Variants in PCLO observed in about 807,000 individuals in gnomAD.
The protein encoded by PCLO is piccolo presynaptic cytomatrix protein, also known as protein piccolo.
Under a neutral mutation model 427.5 loss-of-function variants are expected in PCLO, and 82 were observed. The observed-to-expected ratio is 0.19, with a 90% CI of 0.16 to 0.23. The LOEUF (loss-of-function observed/expected upper bound fraction) is 0.23, where lower values mean the gene tolerates loss of function less well. PCLO is among the 10% of genes least tolerant of loss of function. The pLI is 1.00. For missense variants in PCLO, 6,239 were observed against 6,115.9 expected (o/e 1.02, Z -0.67); for synonymous variants, 2,357 against 2,155.4 (o/e 1.09, Z -2.59).
At chr7:82,865,237 C>T (rs1344348301) in intron 10 of PCLO, among the ~76,000 whole-genome samples, 1 of 152,148 alleles carries the variant, frequency 6.6e-6, no homozygotes, top group Non-Finnish European at 1.5e-5. Context: ...CCTGGAGTCC[C>T]AGCACTTTGG....
At position 83,038,047 on chromosome 7, in the gene PCLO, A is replaced by C. The variant is rs1202044598; in HGVS notation, c.3301-71560T>G. On this transcript the variant is annotated intron_variant, in intron 3 of 24. Coordinates refer to ENST00000333891, the MANE Select transcript of PCLO (RefSeq NM_033026.6). ...TATATATATTTATATATTTATATAT[A>C]TATCTTTATATATATATTTATATAT... Among the ~76,000 whole-genome samples, 14 of 43,136 alleles carry C rather than the reference A, an allele frequency of 3.2e-4. 1 individual carries two copies. Among genetic ancestry groups the C allele is most frequent in the African/African-American group, 2.2e-3 (12 of 5,356 alleles). The allele number at this position is 43,136 out of a possible 152,430, so 28.3% of individuals were successfully genotyped here. A position where few individuals can be genotyped will look rare whatever the true frequency, so the allele number is the denominator to read the frequency against.
In PCLO at chr7:82,914,810, A is replaced by G; in HGVS notation, c.13176T>C (p.Phe4392=). 3 of 1,613,466 alleles carry G rather than the reference A, an allele frequency of 1.9e-6. No homozygotes were observed. Among genetic ancestry groups the G allele is most frequent in the Non-Finnish European group, 2.5e-6 (3 of 1,179,686 alleles). Residue 4392 remains phenylalanine, a synonymous_variant, in exon 7 of 25, where the codon TTT becomes TTC. Transcript: ENST00000333891. ...PPISADTRDQ[F]GSSHSLPEVQ... ...CTTCAGGCAATGAGTGGCTTGATCC[A>G]AACTGATCCCTGGTGTCTGCAGATA...
At chr7:83,150,425 C>T in intron 2 of PCLO, among the ~76,000 whole-genome samples, 1 of 152,216 alleles carries the variant, frequency 6.6e-6, no homozygotes, top group East Asian at 1.9e-4. Flanking sequence ...CAGCATACAT[C>T]TTGATAGCCT....
At chr7:82,973,055 A>G (rs1470231634) in intron 3 of PCLO, among the ~76,000 whole-genome samples, 8 of 151,964 alleles carry the variant, frequency 5.3e-5, no homozygotes, top group African/African-American at 1.9e-4. Context: ...CCTTTATGAC[A>G]TCTACAAAAG....
intron 2 of PCLO, among the ~76,000 whole-genome samples, chr7:83,147,778 T>C (rs1456804401): frequency 1.3e-5 from 2 of 152,136 alleles, no homozygotes; most frequent in East Asian, 3.8e-4. Context: ...AATAAAAAAA[T>C]AGTGCATAAA....
At chr7:83,069,677 G>A (rs1789757097) in intron 3 of PCLO, among the ~76,000 whole-genome samples, 1 of 151,908 alleles carries the variant, frequency 6.6e-6, no homozygotes, top group Admixed American at 6.6e-5. Flanking sequence ...CTAGGACATA[G>A]TAAGTTTTTA....
intron 7 of PCLO, among the ~76,000 whole-genome samples, chr7:82,912,034 T>C (rs1296811764): frequency 6.6e-6 from 1 of 152,188 alleles, no homozygotes; most frequent in African/African-American, 2.4e-5. Context: ...TCTTTTAGAA[T>C]ATATCTAATG....
intron 10 of PCLO, among the ~76,000 whole-genome samples, chr7:82,859,728 A>C (rs1792906024): frequency 6.6e-6 from 1 of 152,208 alleles, no homozygotes; most frequent in African/African-American, 2.4e-5. Flanking sequence ...TGAACTAAAT[A>C]AGGCACCAAG....
At chr7:83,072,233 T>C (rs943743543) in intron 3 of PCLO, among the ~76,000 whole-genome samples, 2 of 152,072 alleles carry the variant, frequency 1.3e-5, no homozygotes, top group African/African-American at 4.8e-5. Context: ...TGTATGCATG[T>C]ATGAGAATTT....
intron 3 of PCLO, among the ~76,000 whole-genome samples, chr7:83,117,555 G>A (rs533607656): frequency 1.3e-5 from 2 of 152,190 alleles, no homozygotes; most frequent in South Asian, 4.2e-4. Context: ...TCTCTCTCTG[G>A]GACAAAATCG....
chr7:83,097,209 T>C (rs1326352706), intron 3 of PCLO, among the ~76,000 whole-genome samples: 1 of 129,952 alleles, frequency 7.7e-6, no homozygotes, highest in Admixed American at 1.0e-4. Flanking sequence ...ATATAAATTA[T>C]ATAAATCTTT....
intron 3 of PCLO, among the ~76,000 whole-genome samples, chr7:82,993,607 G>A (rs533685690): frequency 1.1e-4 from 17 of 151,244 alleles, no homozygotes; most frequent in African/African-American, 4.2e-4. Flanking sequence ...ATTAAGGCAT[G>A]TATATTTTTT....
intron 6 of PCLO, among the ~76,000 whole-genome samples, chr7:82,934,123 C>A (rs1225727711): frequency 1.3e-4 from 19 of 151,724 alleles, no homozygotes; most frequent in African/African-American, 4.6e-4. Flanking sequence ...TTTTTATGGG[C>A]AAAATTATTT....
intron 22 of PCLO, among the ~76,000 whole-genome samples, chr7:82,764,605 T>C (rs1019754034): frequency 6.6e-6 from 1 of 151,940 alleles, no homozygotes; most frequent in African/African-American, 2.4e-5. Context: ...TATTGGCAAG[T>C]ATGTCAGGCA....
rs1467056987 is a variant in PCLO at position 83,162,377 on chromosome 7, G to A, written c.216C>T (p.Pro72=). The A allele has an allele frequency of 1.2e-6, 2 of 1,600,624 alleles. No homozygotes were observed. Among genetic ancestry groups the A allele is most frequent in the South Asian group, 1.1e-5 (1 of 88,800 alleles). ...TGGAAGGCGACTCCGCAGCGGCCGG[G>A]GGGACGCTTCCCTTGGGCAGCCCCT... is the stretch of plus-strand genomic sequence containing the variant. The part of the protein sequence containing the change: ...RAQGLPKGSV[P]PAAAESPSMH... Residue 72 remains proline (P), a synonymous_variant, in exon 1 of 25, where the codon CCC becomes CCT. Coordinates refer to ENST00000333891, the MANE Select transcript of PCLO (RefSeq NM_033026.6).
Position 83,134,442 on chromosome 7 carries a change from T to G in PCLO, c.3108A>C (p.Leu1036Phe). 1 of 1,613,896 alleles carries G rather than the reference T, an allele frequency of 6.2e-7. No individual in the cohort carries two copies. Among genetic ancestry groups the G allele is most frequent in the Non-Finnish European group, 8.5e-7 (1 of 1,179,858 alleles). The change falls in exon 3 of 25, where the codon TTA becomes TTC. Residue 1036 changes from leucine to phenylalanine, a missense_variant. Leu to Phe is a conservative substitution (Grantham distance 22, BLOSUM62 0). Transcript: ENST00000333891. ...KPPPIKDSKSLTAEPQKAVLP... is the reference protein window; with the variant it reads ...KPPPIKDSKSFTAEPQKAVLP... ...GGACAGCCTTTTGAGGCTCAGCTGTTAAAGATTTGCTATCCTTAATAGGTG... is the reference window on the plus strand; with the variant it reads ...GGACAGCCTTTTGAGGCTCAGCTGTGAAAGATTTGCTATCCTTAATAGGTG...
At position 82,942,892 on chromosome 7, in the gene PCLO, C is replaced by T. The variant is rs143737133; in HGVS notation, c.11112+6584G>A. On this transcript the variant is annotated intron_variant, in intron 6 of 24. Coordinates refer to ENST00000333891, the MANE Select transcript of PCLO (RefSeq NM_033026.6). ...TATTTTTTTCTGACATACATAAATA[C>T]CACCATTATAAAACAGTTTTAAAGT... is the stretch of plus-strand genomic sequence containing the variant. 6.0e-4 allele frequency among the ~76,000 whole-genome samples: 91 copies of T among 152,026 alleles called. 2 individuals are homozygous for T. The East Asian group carries it at 0.017, about 28-fold the overall frequency.
At chr7:83,040,661 C>T (rs1394663859) in intron 3 of PCLO, among the ~76,000 whole-genome samples, 4 of 152,228 alleles carry the variant, frequency 2.6e-5, no homozygotes, top group African/African-American at 9.6e-5. Flanking sequence ...TCAATCATCT[C>T]CCCATTGTCT....
intron 3 of PCLO, among the ~76,000 whole-genome samples, chr7:83,114,943 C>T (rs906584892): frequency 3.3e-5 from 5 of 151,912 alleles, no homozygotes; most frequent in African/African-American, 1.2e-4. Flanking sequence ...TTGTATAGTA[C>T]TTAGATAATA....
Sources: allele counts gnomAD v4.1 joint callset (sites outside exome capture counted in the v4.1 genomes callset), GRCh38; gene constraint gnomAD v4.1.1; transcripts MANE v1.5; gene names NCBI Gene and HGNC (gene_info 2026-07-23, HGNC 2026-07-21).